Variants in CAPN13 observed in about 807,000 individuals in gnomAD.
The protein encoded by CAPN13 is calpain-13.
Under a neutral mutation model 98.4 loss-of-function variants are expected in CAPN13, and 90 were observed. The observed-to-expected ratio is 0.92, with a 90% confidence interval of 0.77 to 1.09. The LOEUF (loss-of-function observed/expected upper bound fraction) is 1.09, where lower values mean the gene tolerates loss of function less well. CAPN13 is among the 50% of genes least tolerant of loss of function. The probability of loss-of-function intolerance (pLI) is 0.00; values close to 1 mark genes in which losing one functional copy is unlikely to be tolerated. For synonymous variants in CAPN13, 330 were observed against 305.5 expected (o/e 1.08, Z -0.84); for missense variants, 887 against 841.3 (o/e 1.05, Z -0.67).
chr2:30,800,154 A>AAGAAAG (rs1675168571), intron 1 of CAPN13, among the ~76,000 whole-genome samples: 1 of 149,810 alleles, frequency 6.7e-6, no homozygotes, highest in Non-Finnish European at 1.5e-5. Flanking sequence ...GAAAGAAAGA[A>AAGAAAG]AGAAAGAAAG....
At chr2:30,790,984 C>T (rs141558852) in intron 1 of CAPN13, among the ~76,000 whole-genome samples, 3,906 of 151,940 alleles carry the variant, frequency 0.026, 66 homozygotes, top group Middle Eastern at 0.062. Flanking sequence ...TCTTAAAGAC[C>T]TTATCTCTAG....
At chr2:30,745,162 G>C (rs1281544376) in intron 12 of CAPN13, 1 of 471,044 alleles carries the variant, frequency 2.1e-6, no homozygotes, top group African/African-American at 2.0e-5. Context: ...CAGAGAGGTG[G>C]GTCTGAGTGC....
rs1670749294 is a variant in CAPN13, at chr2:30,723,145, G to T, written c.*122C>A. Reference sequence around the variant, plus strand: ...GACAGCTTGGACTCTGTTTCATGCAGGGCTGGTTTAGATTTATCACAACCA... The same window carrying T: ...GACAGCTTGGACTCTGTTTCATGCATGGCTGGTTTAGATTTATCACAACCA... On this transcript the variant is annotated 3_prime_UTR_variant, in exon 23 of 23. Transcript: ENST00000295055. The T allele has an allele frequency of 6.6e-6, 1 of 152,226 alleles. No individual in the cohort carries two copies. Among genetic ancestry groups the T allele is most frequent in the African/African-American group, 2.4e-5 (1 of 41,440 alleles). The allele number at this position is 152,226 out of a possible 1,614,324, so 9.4% of individuals were successfully genotyped here.
At chr2:30,781,324 G>A (rs1240845215) in intron 2 of CAPN13, among the ~76,000 whole-genome samples, 5 of 152,210 alleles carry the variant, frequency 3.3e-5, no homozygotes. Context: ...GATGGACTTG[G>A]CCTTTGAGGG....
chr2:30,770,570 A>G, intron 4 of CAPN13, 121 bp from the exon 5 acceptor site: 1 of 1,230,100 alleles, frequency 8.1e-7, no homozygotes, highest in Non-Finnish European at 1.1e-6. Context: ...CTCTATTCCG[A>G]ACAAAATCCC....
intron 4 of CAPN13, among the ~76,000 whole-genome samples, chr2:30,773,660 G>T (rs1409057716): frequency 6.6e-6 from 1 of 152,158 alleles, no homozygotes; most frequent in Non-Finnish European, 1.5e-5. Context: ...TAGCAAGATC[G>T]TAAACCTCTG....
intron 1 of CAPN13, among the ~76,000 whole-genome samples, chr2:30,789,131 G>A (rs186210289): frequency 1.4e-3 from 210 of 152,206 alleles, no homozygotes; most frequent in African/African-American, 4.4e-3. Flanking sequence ...AAGAGGGCCC[G>A]CAACAAATTA....
At chr2:30,730,808 TACA>T in intron 21 of CAPN13, 22 bp from the exon 22 acceptor site, 1 of 780,854 alleles carries the variant, frequency 1.3e-6, no homozygotes, top group Non-Finnish European at 2.4e-6. Context: ...GCATCATCAT[TACA>T]ACAATTCTTT....
intron 11 of CAPN13, among the ~76,000 whole-genome samples, chr2:30,747,867 G>T (rs17010130): frequency 0.074 from 11,245 of 152,308 alleles, 1,364 homozygotes; most frequent in African/African-American, 0.25. Flanking sequence ...GGATCTCCAG[G>T]AAGCCTGAGG....
chr2:30,755,899 G>A (rs1672421026), intron 8 of CAPN13, among the ~76,000 whole-genome samples: 1 of 152,172 alleles, frequency 6.6e-6, no homozygotes, highest in South Asian at 2.1e-4. Flanking sequence ...GTGTGCGACT[G>A]AAATTTTAAT....
At chr2:30,801,062 C>T (rs1675241344) in intron 1 of CAPN13, among the ~76,000 whole-genome samples, 1 of 152,038 alleles carries the variant, frequency 6.6e-6, no homozygotes. Context: ...AAGTTGGGGC[C>T]TGCCATGTAC....
At chr2:30,726,908 A>G (rs1249788227) in intron 22 of CAPN13, among the ~76,000 whole-genome samples, 1 of 152,194 alleles carries the variant, frequency 6.6e-6, no homozygotes, top group Non-Finnish European at 1.5e-5. Context: ...GAAAAGTAAA[A>G]TAAAGTTGGA....
intron 15 of CAPN13, among the ~76,000 whole-genome samples, chr2:30,741,024 G>A (rs1464580821): frequency 6.6e-6 from 1 of 152,186 alleles, no homozygotes; most frequent in Non-Finnish European, 1.5e-5. Flanking sequence ...GCCTTCGGGA[G>A]CTTACAGACT....
chr2:30,738,005 ACC>A (rs56098503), intron 17 of CAPN13: 9 of 513,050 alleles, frequency 1.8e-5, no homozygotes, highest in Admixed American at 6.3e-5. Flanking sequence ...ACACACACAC[ACC>A]CCAGTACACT....
intron 18 of CAPN13, among the ~76,000 whole-genome samples, chr2:30,735,608 A>G (rs1671323719): frequency 6.6e-6 from 1 of 152,086 alleles, no homozygotes; most frequent in Non-Finnish European, 1.5e-5. Context: ...GCCCCGGGGG[A>G]CCCAGGGGAG....
intron 18 of CAPN13, 132 bp downstream of exon 18, chr2:30,736,371 G>A: frequency 1.2e-6 from 1 of 830,670 alleles, no homozygotes; most frequent in Non-Finnish European, 2.0e-6. Flanking sequence ...CAACATGTGA[G>A]CTCTCCTTGA....
chr2:30,800,116 A>AAAAGAAAGAAAAGAAAGAAAAG (rs1675126547), intron 1 of CAPN13, among the ~76,000 whole-genome samples: 9 of 85,658 alleles, frequency 1.1e-4, no homozygotes, highest in African/African-American at 3.6e-4. Flanking sequence ...GAAAAGAAAG[A>AAAAGAAAGAAAAGAAAGAAAAG]AAAGAAAGAA....
At chr2:30,779,024 T>A (rs1489560990) in intron 2 of CAPN13, among the ~76,000 whole-genome samples, 1 of 152,226 alleles carries the variant, frequency 6.6e-6, no homozygotes, top group Non-Finnish European at 1.5e-5. Context: ...CTCCTCTCTC[T>A]ACTGGAAAAG....
chr2:30,743,794 A>G, intron 12 of CAPN13: 7 of 673,540 alleles, frequency 1.0e-5, no homozygotes, highest in South Asian at 9.1e-5. Context: ...GATGCAAGGA[A>G]ATACCACACA....
Sources: allele counts gnomAD v4.1 joint callset (sites outside exome capture counted in the v4.1 genomes callset), GRCh38; gene constraint gnomAD v4.1.1; transcripts MANE v1.5; gene names NCBI Gene and HGNC (gene_info 2026-07-23, HGNC 2026-07-21).